The following TBX6 variants were observed in gnomAD, a reference collection of about 807,000 sequenced individuals.
The protein encoded by TBX6 is T-box transcription factor TBX6.
In TBX6, 29 loss-of-function variants were observed where a neutral mutation model predicts 42.3. The observed-to-expected ratio is 0.69, with a 90% CI of 0.51 to 0.93. The LOEUF is 0.93. TBX6 is among the 40% of genes least tolerant of loss of function. The probability of loss-of-function intolerance (pLI) is 0.00; values close to 1 mark genes in which losing one functional copy is unlikely to be tolerated. For synonymous variants in TBX6, 249 were observed against 245.1 expected (o/e 1.02, Z -0.15); for missense variants, 569 against 603.3 (o/e 0.94, Z 0.59).
At chr16:30,087,654 A>C (rs1032989890) in intron 6 of TBX6, among the ~76,000 whole-genome samples, 13 of 151,366 alleles carry the variant, frequency 8.6e-5, no homozygotes, top group Non-Finnish European at 1.8e-4. Context: ...CCCCTGCCTG[A>C]CTCTTAGTCA....
chr16:30,089,932 C>CAA (rs34629735), intron 3 of TBX6, among the ~76,000 whole-genome samples: 228 of 97,260 alleles, frequency 2.3e-3, no homozygotes, highest in Middle Eastern at 5.0e-3. Context: ...GACTCCATCT[C>CAA]AAAAAAAAAA....
intron 3 of TBX6, 132 bp downstream of exon 3, chr16:30,090,626 G>C: frequency 1.1e-6 from 1 of 904,300 alleles, no homozygotes. Context: ...CTTGCCCCAG[G>C]CCATAGTCAG....
intron 6 of TBX6, chr16:30,087,910 T>TC (rs1454318453): frequency 1.4e-5 from 2 of 147,450 alleles, no homozygotes; most frequent in Non-Finnish European, 3.0e-5. Flanking sequence ...TTTTTTTTTT[T>TC]TTTTTGAGAC....
rs1596851343 is a variant in TBX6 at position 30,088,286 on chromosome 16, C to A, written c.839+259G>T. ...CTAACAGATGACATTTTATTTATTT[C>A]TCTTGTCTGCTTGTCTACTCTCCCC... On this transcript the variant is annotated intron_variant, in intron 6 of 8. Coordinates refer to ENST00000395224, the MANE Select transcript of TBX6 (RefSeq NM_004608.4). The surrounding 1 kb of genome is among the most constrained non-coding windows in gnomAD (Gnocchi z 4.1). The A allele has an allele frequency of 1.9e-6, 1 of 531,778 alleles. No homozygotes were observed. The highest frequency in any genetic ancestry group is 3.4e-6 in the Non-Finnish European group (1 of 295,350). 32.9% of individuals were successfully genotyped at this position (531,778 alleles called of 1,614,324 possible).
Position 30,090,746 on chromosome 16 carries a change from C to A in TBX6, c.353+12G>T. 1.2e-6 allele frequency: 2 copies of A among 1,609,290 alleles called. No homozygotes were observed. Among genetic ancestry groups the A allele is most frequent in the Non-Finnish European group, 8.5e-7 (1 of 1,177,598 alleles). On this transcript the variant is annotated intron_variant, in intron 3 of 8. Transcript: ENST00000395224. ...CCCCCACCAGAAACACGGACCCTGG[C>A]CAGCCCCTCACCTCCCAGCTTTGGT... is the stretch of plus-strand genomic sequence containing the variant.
At position 30,086,636 on chromosome 16, in the gene TBX6, CTGGATCTGATTCACGAATGTCTCCA is replaced by C; in HGVS notation, c.948_972del (p.Gly317AsnfsTer173). 1 of 1,607,110 alleles carries C rather than the reference CTGGATCTGATTCACGAATGTCTCCA, an allele frequency of 6.2e-7. No homozygotes were observed. Among genetic ancestry groups the C allele is most frequent in the African/African-American group, 1.3e-5 (1 of 74,646 alleles). ...GCTTCCCCGGGGGCTGGGGCCTGTT[CTGGATCTGATTCACGAATGTCTCCA>C]CCCAGGGTGGAGTCGCAGGGACCAC... On this transcript the variant is annotated frameshift_variant, in exon 8 of 9. Transcript: ENST00000395224. LOFTEE classifies it high-confidence loss of function. This position sits in a 1 kb window ranked among gnomAD's most constrained non-coding sequence, Gnocchi z 4.6.
Position 30,090,746 on chromosome 16 carries a change from C to G in TBX6, c.353+12G>C. 1 of 1,609,290 alleles carries G rather than the reference C, an allele frequency of 6.2e-7. No individual in the cohort carries two copies. The highest frequency in any genetic ancestry group is 8.5e-7 in the Non-Finnish European group (1 of 1,177,598). ...CCCCCACCAGAAACACGGACCCTGG[C>G]CAGCCCCTCACCTCCCAGCTTTGGT... On this transcript the variant is annotated intron_variant, in intron 3 of 8. Coordinates refer to ENST00000395224, the MANE Select transcript of TBX6 (RefSeq NM_004608.4).
intron 3 of TBX6, among the ~76,000 whole-genome samples, chr16:30,090,444 A>C (rs527278089): frequency 6.6e-6 from 1 of 152,106 alleles, no homozygotes; most frequent in African/African-American, 2.4e-5. Flanking sequence ...CCTTGTCTGG[A>C]TGCTGGTCTA....
intron 3 of TBX6, among the ~76,000 whole-genome samples, chr16:30,090,541 C>T (rs1414453502): frequency 1.3e-5 from 2 of 152,148 alleles, no homozygotes; most frequent in African/African-American, 4.8e-5. Flanking sequence ...GGTCCCTAAA[C>T]TCAGCCACAG....
chr16:30,086,688 T>C lies in TBX6; in HGVS notation c.921A>G (p.Pro307=), dbSNP rs2072636968. ...CCAGGGTGGAGTCGCAGGGACCACCTGGTGTGTCTGGGGAGAGGGAAGGGA... is the reference window on the plus strand; with the variant it reads ...CCAGGGTGGAGTCGCAGGGACCACCCGGTGTGTCTGGGGAGAGGGAAGGGA... ...ATEAYGSGDT[P]GGPCDSTLGG... The change falls in exon 8 of 9, where the codon CCA becomes CCG. Residue 307 remains proline, a synonymous_variant. Transcript: ENST00000395224. This position sits in a 1 kb window ranked among gnomAD's most constrained non-coding sequence, Gnocchi z 4.6. 6.2e-7 allele frequency: 1 copy of C among 1,612,020 alleles called. No individual in the cohort carries two copies. The highest frequency in any genetic ancestry group is 1.3e-5 in the African/African-American group (1 of 74,710).
chr16:30,088,265 C>T lies in TBX6; in HGVS notation c.839+280G>A. The T allele has an allele frequency of 2.1e-6, 1 of 469,424 alleles. No homozygotes were observed. 29.1% of individuals were successfully genotyped at this position (469,424 alleles called of 1,614,324 possible). A position where few individuals can be genotyped will look rare whatever the true frequency, so the allele number is the denominator to read the frequency against. ...TCTTCTCTTTAGAATGGCTTCCTAA[C>T]AGATGACATTTTATTTATTTCTCTT... On this transcript the variant is annotated intron_variant, in intron 6 of 8. Transcript: ENST00000395224. This position sits in a 1 kb window ranked among gnomAD's most constrained non-coding sequence, Gnocchi z 4.1.
In TBX6 at chr16:30,086,366, C is replaced by T. The variant is rs369956108; in HGVS notation, c.1170G>A (p.Pro390=). The T allele has an allele frequency of 6.3e-6, 10 of 1,579,278 alleles. No homozygotes were observed. The highest frequency in any genetic ancestry group is 4.5e-5 in the East Asian group (2 of 44,544). ...GGTACCCGGAGCCCCCTGACCCGTGCGGCAGCTCCAGAAATGCAGCCGAGT... is the reference window on the plus strand; with the variant it reads ...GGTACCCGGAGCCCCCTGACCCGTGTGGCAGCTCCAGAAATGCAGCCGAGT... ...APYSAAFLEL[P]HGSGGSGYPA... Residue 390 remains proline, a synonymous_variant, in exon 9 of 9, where the codon CCG becomes CCA. Transcript: ENST00000395224. The surrounding 1 kb of genome is among the most constrained non-coding windows in gnomAD (Gnocchi z 4.6).
chr16:30,090,646 C>T lies in TBX6; in HGVS notation c.353+112G>A, dbSNP rs1037269445. ...CCCAGGCCATAGTCAGATTCTAGGC[C>T]TAGGCAGAGCTCTAGCCCCTCGGGA... On this transcript the variant is annotated intron_variant, in intron 3 of 8. Coordinates refer to ENST00000395224, the MANE Select transcript of TBX6 (RefSeq NM_004608.4). 3.6e-6 allele frequency: 4 copies of T among 1,102,040 alleles called. No individual in the cohort carries two copies. In the Admixed American group the frequency reaches 8.7e-5, roughly 24 times the overall value. 68.3% of individuals were successfully genotyped at this position (1,102,040 alleles called of 1,614,324 possible).
At chr16:30,090,430 C>T in intron 3 of TBX6, among the ~76,000 whole-genome samples, 1 of 152,266 alleles carries the variant, frequency 6.6e-6, no homozygotes, top group Non-Finnish European at 1.5e-5. Flanking sequence ...CCTTGACCCC[C>T]TGTCCTTGTC....
At position 30,091,114 on chromosome 16, in the gene TBX6, C is replaced by A; in HGVS notation, c.80G>T (p.Ser27Ile). The A allele has an allele frequency of 6.3e-7, 1 of 1,587,470 alleles. No homozygotes were observed. Among genetic ancestry groups the A allele is most frequent in the Non-Finnish European group, 8.6e-7 (1 of 1,168,208 alleles). The change falls in exon 2 of 9, where the codon AGC becomes ATC. Residue 27 changes from serine (S) to isoleucine (I), a missense_variant. By Grantham distance (142) the Ser-to-Ile change is moderately radical (BLOSUM62 -2). Transcript: ENST00000395224. ...GCCCTCCGCTAGGGCGGGTGGGAAG[C>A]TGGAGTCGGCCCCAGGTTGGGCGGG... ...LGPAQPGADS[S>I]FPPALAEGYR...
At position 30,088,707 on chromosome 16, in the gene TBX6, A is replaced by AC; in HGVS notation, c.753_754insG (p.Tyr252ValfsTer28). 1 of 1,614,048 alleles carries AC rather than the reference A, an allele frequency of 6.2e-7. No homozygotes were observed. The highest frequency in any genetic ancestry group is 8.5e-7 in the Non-Finnish European group (1 of 1,179,992). ...GGGTCACTCACCTGTGGGTTCTGGT[A>AC]GGCTGTCACGGAGATGAATGTGGTC... On this transcript the variant is annotated frameshift_variant, in exon 5 of 9. Transcript: ENST00000395224. LOFTEE classifies it high-confidence loss of function. This position sits in a 1 kb window ranked among gnomAD's most constrained non-coding sequence, Gnocchi z 4.1.
chr16:30,091,299 G>A, intron 1 of TBX6, 58 bp from the exon 2 acceptor site: 4 of 982,566 alleles, frequency 4.1e-6, no homozygotes, highest in Non-Finnish European at 5.8e-6. Flanking sequence ...CAGGATCACA[G>A]CCCCTCCCCT....
chr16:30,090,706 G>A, intron 3 of TBX6, 52 bp downstream of exon 3: 1 of 1,562,266 alleles, frequency 6.4e-7, no homozygotes, highest in Non-Finnish European at 8.7e-7. Context: ...CAGGGACTCT[G>A]CCTTTCCCAA....
rs201140031 is a variant in TBX6, at chr16:30,086,387, C to A, written c.1149G>T (p.Ser383=). 6.4e-7 allele frequency: 1 copy of A among 1,568,688 alleles called. No individual in the cohort carries two copies. Among genetic ancestry groups the A allele is most frequent in the Non-Finnish European group, 8.6e-7 (1 of 1,165,378 alleles). The part of the protein sequence containing the change: ...APDSGRSAPY[S]AAFLELPHGS... ...CGTGCGGCAGCTCCAGAAATGCAGCCGAGTAGGGGGCTGAGCGCCCGGAGT... is the reference window on the plus strand; with the variant it reads ...CGTGCGGCAGCTCCAGAAATGCAGCAGAGTAGGGGGCTGAGCGCCCGGAGT... The change falls in exon 9 of 9, where the codon TCG becomes TCT. Residue 383 remains serine, a synonymous_variant. Coordinates refer to ENST00000395224, the MANE Select transcript of TBX6 (RefSeq NM_004608.4). The surrounding 1 kb of genome is among the most constrained non-coding windows in gnomAD (Gnocchi z 4.6).
Sources: allele counts gnomAD v4.1 joint callset (sites outside exome capture counted in the v4.1 genomes callset), GRCh38; gene constraint gnomAD v4.1.1; non-coding constraint Gnocchi (gnomAD v3.1); transcripts MANE v1.5; gene names NCBI Gene and HGNC (gene_info 2026-07-23, HGNC 2026-07-21).